The following UCHL3 variants were observed in gnomAD, a reference collection of about 807,000 sequenced individuals.
UCHL3 encodes ubiquitin carboxyl-terminal hydrolase isozyme L3.
In UCHL3, 22 loss-of-function variants were observed where a neutral mutation model predicts 35.8. The observed-to-expected ratio is 0.61, with a 90% CI of 0.44 to 0.88. UCHL3 has a LOEUF of 0.88. Ranked by LOEUF, UCHL3 falls within the 40% of genes least tolerant of loss-of-function variation. UCHL3 has a pLI of 0.00. For synonymous variants in UCHL3, 90 were observed against 92.8 expected (o/e 0.97, Z 0.17); for missense variants, 229 against 276.9 (o/e 0.83, Z 1.23).
intron 6 of UCHL3, among the ~76,000 whole-genome samples, chr13:75,575,898 T>A (rs982911447): frequency 1.3e-5 from 2 of 151,188 alleles, no homozygotes; most frequent in African/African-American, 4.9e-5. Context: ...ACTACAGGTG[T>A]GTGCCACCAC....
chr13:75,558,652 C>A (rs144840383), intron 2 of UCHL3, among the ~76,000 whole-genome samples: 29 of 152,304 alleles, frequency 1.9e-4, no homozygotes, highest in Admixed American at 4.6e-4. Flanking sequence ...TTTTCTACTT[C>A]TTTTCCTCAT....
intron 2 of UCHL3, among the ~76,000 whole-genome samples, chr13:75,555,109 T>C (rs2031248460): frequency 6.6e-6 from 1 of 152,234 alleles, no homozygotes; most frequent in Non-Finnish European, 1.5e-5. Flanking sequence ...GCTCATGCTG[T>C]GCTGCAGTCT....
intron 6 of UCHL3, among the ~76,000 whole-genome samples, chr13:75,585,369 A>G (rs1440575386): frequency 1.3e-5 from 2 of 152,200 alleles, no homozygotes; most frequent in African/African-American, 2.4e-5. Flanking sequence ...ACTCCTTACT[A>G]GAGGTTATGC....
chr13:75,587,347 G>T (rs2032354555), intron 6 of UCHL3, among the ~76,000 whole-genome samples: 1 of 151,982 alleles, frequency 6.6e-6, no homozygotes, highest in African/African-American at 2.4e-5. Flanking sequence ...TAATATCTGT[G>T]CTTAGATTAG....
chr13:75,551,356 G>A (rs1366339012), intron 2 of UCHL3, among the ~76,000 whole-genome samples: 4 of 151,668 alleles, frequency 2.6e-5, no homozygotes, highest in Non-Finnish European at 5.9e-5. Flanking sequence ...GCTTGAACCC[G>A]GGAGGCGGAG....
chr13:75,598,593 C>T lies in UCHL3; in HGVS notation c.550+3603C>T, dbSNP rs77946332. Among the ~76,000 whole-genome samples the T allele has an allele frequency of 5.2e-3, 795 of 152,274 alleles. 10 individuals carry two copies. The highest frequency in any genetic ancestry group is 0.018 in the African/African-American group (767 of 41,548). On this transcript the variant is annotated intron_variant, in intron 7 of 8. Coordinates refer to ENST00000377595, the MANE Select transcript of UCHL3 (RefSeq NM_006002.5). ...TAGGGCCAGTTACTTTGAGATTATC[C>T]TCCAATTTAGGCCATCTGATTTATC... is the stretch of plus-strand genomic sequence containing the variant.
At chr13:75,571,825 G>C (rs552759822) in intron 6 of UCHL3, among the ~76,000 whole-genome samples, 1 of 152,076 alleles carries the variant, frequency 6.6e-6, no homozygotes, top group African/African-American at 2.4e-5. Flanking sequence ...CCACAGTTTA[G>C]AAACACTACT....
At chr13:75,600,075 T>C (rs1485791948) in intron 7 of UCHL3, among the ~76,000 whole-genome samples, 2 of 152,250 alleles carry the variant, frequency 1.3e-5, no homozygotes, top group Non-Finnish European at 2.9e-5. Flanking sequence ...CAACATTTTC[T>C]TAAGCCTAAT....
At chr13:75,579,625 TG>T (rs2032124021) in intron 6 of UCHL3, among the ~76,000 whole-genome samples, 1 of 151,998 alleles carries the variant, frequency 6.6e-6, no homozygotes, top group African/African-American at 2.4e-5. Context: ...ATTTTAGAAA[TG>T]GAGATATTAA....
Position 75,584,757 on chromosome 13 carries a change from A to G in UCHL3, c.475-10158A>G, listed in dbSNP as rs568098091. On this transcript the variant is annotated intron_variant, in intron 6 of 8. Coordinates refer to ENST00000377595, the MANE Select transcript of UCHL3 (RefSeq NM_006002.5). The stretch of plus-strand genomic sequence containing the variant: ...GGTAATATCAGCAGAATTGGAAACT[A>G]TTAACATAAGAAAGAATCAAATGGA... Among the ~76,000 whole-genome samples the G allele has an allele frequency of 3.9e-5, 6 of 152,314 alleles. No homozygotes were observed. In the South Asian group the frequency reaches 1.0e-3, roughly 26 times the overall value.
At chr13:75,593,999 G>A (rs1033873797) in intron 6 of UCHL3, among the ~76,000 whole-genome samples, 7 of 152,014 alleles carry the variant, frequency 4.6e-5, no homozygotes, top group African/African-American at 1.7e-4. Flanking sequence ...TTTAAAATTT[G>A]TGCTCTATTT....
intron 7 of UCHL3, among the ~76,000 whole-genome samples, chr13:75,599,846 G>A (rs9593103): frequency 1.6e-3 from 248 of 152,306 alleles, no homozygotes; most frequent in African/African-American, 4.4e-3. Flanking sequence ...AACTAGAAAT[G>A]ATTAAGCTTA....
intron 2 of UCHL3, 122 bp downstream of exon 2, chr13:75,550,109 C>T: frequency 6.7e-6 from 10 of 1,483,934 alleles, no homozygotes; most frequent in Non-Finnish European, 9.4e-6. Context: ...GAGGGCCCCT[C>T]TTGTTCGGCT....
intron 6 of UCHL3, among the ~76,000 whole-genome samples, chr13:75,589,162 A>G (rs1367160909): frequency 1.3e-5 from 2 of 152,064 alleles, no homozygotes; most frequent in Admixed American, 1.3e-4. Flanking sequence ...CTGGGTCTGA[A>G]TCCCGGTTCT....
At chr13:75,581,792 T>C (rs770983610) in intron 6 of UCHL3, among the ~76,000 whole-genome samples, 73 of 152,148 alleles carry the variant, frequency 4.8e-4, no homozygotes, top group Non-Finnish European at 9.4e-4. Flanking sequence ...GAGTAATTTA[T>C]TCATTTTTTG....
At chr13:75,558,977 A>G (rs1489127673) in intron 2 of UCHL3, among the ~76,000 whole-genome samples, 1 of 151,748 alleles carries the variant, frequency 6.6e-6, no homozygotes, top group Non-Finnish European at 1.5e-5. Flanking sequence ...AATAGAACCA[A>G]GTAAGAATGG....
intron 6 of UCHL3, among the ~76,000 whole-genome samples, chr13:75,592,431 T>TACATATATAC (rs1566227916): frequency 1.3e-4 from 12 of 89,722 alleles, no homozygotes; most frequent in African/African-American, 4.9e-4. Context: ...TATATATATA[T>TACATATATAC]ATATATATAT....
At position 75,584,643 on chromosome 13, in the gene UCHL3, A is replaced by G. The variant is rs529971053; in HGVS notation, c.475-10272A>G. Among the ~76,000 whole-genome samples, 9 of 152,326 alleles carry G rather than the reference A, an allele frequency of 5.9e-5. No homozygotes were observed. The East Asian group carries it at 1.4e-3, about 23-fold the overall frequency. On this transcript the variant is annotated intron_variant, in intron 6 of 8. Transcript: ENST00000377595. ...AAGCATTCAGCAGAGCTAGACTCAT[A>G]TATGATCTAGATGTCAAACTATCAG...
chr13:75,561,247 T>C (rs2031485970), intron 3 of UCHL3, among the ~76,000 whole-genome samples: 1 of 152,230 alleles, frequency 6.6e-6, no homozygotes, highest in African/African-American at 2.4e-5. Flanking sequence ...TTCTTTTTCT[T>C]CTTTTTTTAA....
Sources: gnomAD v4.1 joint callset for allele counts (sites outside exome capture counted in the v4.1 genomes callset) on GRCh38, gnomAD v4.1.1 for gene constraint, MANE v1.5 for transcripts, NCBI Gene and HGNC (gene_info 2026-07-23, HGNC 2026-07-21) for gene names.